The following SLAIN1 variants were observed in gnomAD, a reference collection of about 807,000 sequenced individuals.
The protein encoded by SLAIN1 is SLAIN family member 1, also known as SLAIN motif-containing protein 1.
A neutral mutation model predicts 55.4 loss-of-function variants in SLAIN1; 17 were observed. The observed-to-expected ratio is 0.31, with a 90% CI of 0.21 to 0.46. SLAIN1 has a LOEUF of 0.46. SLAIN1 is among the 20% of genes least tolerant of loss of function. The pLI is 1.00. For missense variants in SLAIN1, 682 were observed against 785.1 expected, an observed-to-expected ratio of 0.87 and a Z score of 1.57; for synonymous variants, 348 against 337.4, an observed-to-expected ratio of 1.03 and a Z score of -0.35.
At chr13:77,704,258 T>C (rs189529670) in intron 1 of SLAIN1, among the ~76,000 whole-genome samples, 1 of 114,108 alleles carries the variant, frequency 8.8e-6, no homozygotes, top group African/African-American at 3.1e-5. Context: ...ACATATGTTT[T>C]ATATGTATAT....
chr13:77,713,263 T>C (rs1264453440), intron 1 of SLAIN1, among the ~76,000 whole-genome samples: 1 of 151,954 alleles, frequency 6.6e-6, no homozygotes, highest in Admixed American at 6.6e-5. Context: ...GAGAAAATTT[T>C]TGCAATCTAT....
rs777412843 is a variant in SLAIN1, at chr13:77,698,282, G to C, written c.369G>C (p.Pro123=). ...GCGGTGGCTCCAGCCCCGCGTTCCC[G>C]GGCACCTTCTGCCTGCCTAGCCCCG... ...GSGGGSSPAF[P]GTFCLPSPAP... Residue 123 remains proline, a synonymous_variant, in exon 1 of 7, where the codon CCG becomes CCC. Coordinates refer to ENST00000418532, the MANE Select transcript of SLAIN1 (RefSeq NM_001242868.2). This position sits in a 1 kb window ranked among gnomAD's most constrained non-coding sequence, Gnocchi z 4.1. The C allele has an allele frequency of 2.2e-5, 32 of 1,425,874 alleles. No homozygotes were observed. The South Asian group carries it at 3.4e-4, about 15-fold the overall frequency. 88.3% of individuals were successfully genotyped at this position (1,425,874 alleles called of 1,614,324 possible). A position where few individuals can be genotyped will look rare whatever the true frequency, so the allele number is the denominator to read the frequency against.
At chr13:77,726,218 G>A (rs1016301552) in intron 2 of SLAIN1, among the ~76,000 whole-genome samples, 28 of 152,042 alleles carry the variant, frequency 1.8e-4, no homozygotes, top group Non-Finnish European at 5.9e-5. Flanking sequence ...ATTTAATTTT[G>A]TAGGGAGACA....
chr13:77,705,376 ATAG>A (rs2091079315), intron 1 of SLAIN1, among the ~76,000 whole-genome samples: 1 of 152,020 alleles, frequency 6.6e-6, no homozygotes, highest in African/African-American at 2.4e-5. Flanking sequence ...GACATTCCAA[ATAG>A]TAGTTTGAAA....
At chr13:77,714,071 A>G (rs2091181537) in intron 1 of SLAIN1, among the ~76,000 whole-genome samples, 1 of 152,176 alleles carries the variant, frequency 6.6e-6, no homozygotes, top group South Asian at 2.1e-4. Flanking sequence ...TGCCTAACGT[A>G]GATGACAGTT....
intron 2 of SLAIN1, among the ~76,000 whole-genome samples, chr13:77,723,595 T>G (rs561284384): frequency 5.1e-4 from 77 of 152,332 alleles, no homozygotes; most frequent in African/African-American, 1.7e-3. Context: ...TATTCCATTA[T>G]ATTTTAGCTT....
In SLAIN1 at chr13:77,755,337, A is replaced by C. The variant is rs139304253; in HGVS notation, c.1414+1979A>C. Among the ~76,000 whole-genome samples the C allele has an allele frequency of 2.9e-3, 441 of 152,236 alleles. 4 individuals carry two copies. The highest frequency in any genetic ancestry group is 0.01 in the African/African-American group (423 of 41,548). On this transcript the variant is annotated intron_variant, in intron 5 of 6. Coordinates refer to ENST00000418532, the MANE Select transcript of SLAIN1 (RefSeq NM_001242868.2). ...GACCCTGTCTTGAAAAAAGAAAAAA[A>C]AAAATCAATAGTGTAAGTGTGGGAG...
chr13:77,702,966 G>A (rs1340782343), intron 1 of SLAIN1, among the ~76,000 whole-genome samples: 3 of 152,146 alleles, frequency 2.0e-5, no homozygotes, highest in Non-Finnish European at 2.9e-5. Context: ...AACGGAGAAA[G>A]CAGGTGGAAA....
chr13:77,746,898 T>C, intron 4 of SLAIN1, 43 bp downstream of exon 4: 1 of 1,482,750 alleles, frequency 6.7e-7, no homozygotes, highest in Non-Finnish European at 9.2e-7. Context: ...CTTTAATTTT[T>C]TTATATGTGG....
chr13:77,761,217 C>A (rs1157793114), intron 6 of SLAIN1, 107 bp downstream of exon 6: 1 of 1,054,354 alleles, frequency 9.5e-7, no homozygotes, highest in Non-Finnish European at 1.4e-6. Flanking sequence ...TAAGACACTA[C>A]CCTTTATGGC....
intron 4 of SLAIN1, among the ~76,000 whole-genome samples, chr13:77,747,140 AC>A (rs1304800939): frequency 6.6e-6 from 1 of 151,704 alleles, no homozygotes; most frequent in Non-Finnish European, 1.5e-5. Flanking sequence ...ATGGGGTTTC[AC>A]CCTGTTGACC....
intron 6 of SLAIN1, among the ~76,000 whole-genome samples, chr13:77,761,651 G>A (rs1875031656): frequency 2.0e-5 from 3 of 152,190 alleles, no homozygotes; most frequent in Non-Finnish European, 4.4e-5. Context: ...ACACATTTAT[G>A]GTTTGAAAAG....
chr13:77,760,535 C>G (rs1484483011), intron 5 of SLAIN1, among the ~76,000 whole-genome samples: 1 of 150,494 alleles, frequency 6.6e-6, no homozygotes, highest in Admixed American at 6.6e-5. Flanking sequence ...GGAAGACTTT[C>G]TCTTGTGAGA....
intron 3 of SLAIN1, among the ~76,000 whole-genome samples, chr13:77,745,473 A>G (rs1873752914): frequency 6.6e-6 from 1 of 152,122 alleles, no homozygotes; most frequent in Non-Finnish European, 1.5e-5. Flanking sequence ...GTGAAAGAGT[A>G]GATAAGTAGA....
chr13:77,708,976 G>C (rs920767112), intron 1 of SLAIN1, among the ~76,000 whole-genome samples: 1 of 151,898 alleles, frequency 6.6e-6, no homozygotes, highest in African/African-American at 2.4e-5. Flanking sequence ...CGAGCTAAAG[G>C]AGCATGTTCT....
At chr13:77,751,299 T>C (rs1373028513) in intron 4 of SLAIN1, among the ~76,000 whole-genome samples, 1 of 152,172 alleles carries the variant, frequency 6.6e-6, no homozygotes, top group African/African-American at 2.4e-5. Context: ...AAAATGTTAA[T>C]CTTTAATATT....
Position 77,698,816 on chromosome 13 carries a change from T to C in SLAIN1, c.626+277T>C. On this transcript the variant is annotated intron_variant, in intron 1 of 6. Coordinates refer to ENST00000418532, the MANE Select transcript of SLAIN1 (RefSeq NM_001242868.2). The surrounding 1 kb of genome is among the most constrained non-coding windows in gnomAD (Gnocchi z 4.1). ...TGCCATGGGTTCTGCTATTTGCTGA[T>C]TGTTGGGTCCCAAGCTCCTCGTTAG... The C allele has an allele frequency of 7.0e-7, 1 of 1,421,794 alleles. No homozygotes were observed. Among genetic ancestry groups the C allele is most frequent in the African/African-American group, 1.4e-5 (1 of 70,440 alleles). 88.1% of individuals were successfully genotyped at this position (1,421,794 alleles called of 1,614,324 possible).
intron 2 of SLAIN1, among the ~76,000 whole-genome samples, chr13:77,743,767 A>G (rs979481856): frequency 1.1e-4 from 17 of 151,880 alleles, no homozygotes; most frequent in Non-Finnish European, 1.8e-4. Flanking sequence ...CTGCATATGT[A>G]TGTGTGCCTT....
chr13:77,709,188 A>T (rs911689632), intron 1 of SLAIN1, among the ~76,000 whole-genome samples: 25 of 151,982 alleles, frequency 1.6e-4, no homozygotes, highest in Admixed American at 1.5e-3. Context: ...ACCTTAATGA[A>T]ATAAAGCATG....
Sources: allele counts gnomAD v4.1 joint callset (sites outside exome capture counted in the v4.1 genomes callset), GRCh38; gene constraint gnomAD v4.1.1; non-coding constraint Gnocchi (gnomAD v3.1); transcripts MANE v1.5; gene names NCBI Gene and HGNC (gene_info 2026-07-23, HGNC 2026-07-21).